The following XKR6 variants were observed in gnomAD, a reference collection of about 807,000 sequenced individuals.
XKR6 encodes XK related 6.
Under a neutral mutation model 56.7 loss-of-function variants are expected in XKR6, and 22 were observed. The ratio of observed to expected loss-of-function variants is 0.39; its 90% confidence interval spans 0.28 to 0.55. The LOEUF (loss-of-function observed/expected upper bound fraction) is 0.55. Among genes scored for constraint, XKR6 ranks in the 20% least tolerant of loss-of-function variants. The probability of loss-of-function intolerance (pLI) is 0.66; values close to 1 mark genes in which losing one functional copy is unlikely to be tolerated. For missense variants in XKR6, 852 were observed against 889.0 expected (o/e 0.96, Z 0.53); for synonymous variants, 524 against 387.8 (o/e 1.35, Z -4.13).
chr8:11,009,330 G>C (rs1361315720), intron 1 of XKR6, among the ~76,000 whole-genome samples: 1 of 152,166 alleles, frequency 6.6e-6, no homozygotes, highest in African/African-American at 2.4e-5. Context: ...GGGTAACATG[G>C]AGAGACCCTG....
chr8:10,932,697 T>C (rs1801094717), intron 1 of XKR6, among the ~76,000 whole-genome samples: 1 of 130,478 alleles, frequency 7.7e-6, no homozygotes, highest in Non-Finnish European at 1.7e-5. Context: ...GTTCTGGCGA[T>C]AGTTTACTGA....
intron 1 of XKR6, among the ~76,000 whole-genome samples, chr8:10,955,814 G>A (rs1801869797): frequency 6.6e-6 from 1 of 152,212 alleles, no homozygotes; most frequent in Admixed American, 6.5e-5. Context: ...GGTAGGATGA[G>A]ATCCAGGCCC....
chr8:11,161,310 C>T (rs1480139087), intron 1 of XKR6, among the ~76,000 whole-genome samples: 1 of 152,186 alleles, frequency 6.6e-6, no homozygotes, highest in African/African-American at 2.4e-5. Context: ...TCTTCTACTC[C>T]TTCAAGTGCC....
intron 1 of XKR6, among the ~76,000 whole-genome samples, chr8:11,115,195 A>G (rs1464549308): frequency 6.6e-6 from 1 of 152,138 alleles, no homozygotes; most frequent in East Asian, 1.9e-4. Context: ...AATGACCTCA[A>G]CTCATCATGT....
At chr8:11,154,183 A>T (rs1203061803) in intron 1 of XKR6, among the ~76,000 whole-genome samples, 5 of 152,208 alleles carry the variant, frequency 3.3e-5, no homozygotes, top group Non-Finnish European at 7.3e-5. Context: ...GAGAAGGACC[A>T]ATCATGTGAT....
intron 1 of XKR6, among the ~76,000 whole-genome samples, chr8:11,049,145 G>A (rs1040642116): frequency 3.3e-5 from 5 of 152,236 alleles, no homozygotes; most frequent in Non-Finnish European, 7.3e-5. Context: ...GGAGCCCATT[G>A]GAATGGATGC....
rs1038461191 is a variant in XKR6, at chr8:11,198,433, T to C, written c.764+2143A>G. Among the ~76,000 whole-genome samples the C allele has an allele frequency of 6.6e-5, 10 of 151,600 alleles. 1 individual carries two copies. The highest frequency in any genetic ancestry group is 1.5e-4 in the Non-Finnish European group (10 of 67,946). On this transcript the variant is annotated intron_variant, in intron 1 of 2. Coordinates refer to ENST00000416569, the MANE Select transcript of XKR6 (RefSeq NM_173683.4). ...TTAGGAAATATTTAGAGATATATTC[T>C]AATCTTGAAAAAAGATGTAAAAAAA...
At chr8:11,054,451 G>A (rs28636902) in intron 1 of XKR6, among the ~76,000 whole-genome samples, 11,332 of 152,248 alleles carry the variant, frequency 0.074, 1,297 homozygotes, top group African/African-American at 0.25. Flanking sequence ...AATGTCCTGG[G>A]GAGGGGTGCC....
intron 1 of XKR6, among the ~76,000 whole-genome samples, chr8:10,961,828 G>C (rs939683480): frequency 3.3e-5 from 5 of 152,182 alleles, no homozygotes; most frequent in Admixed American, 3.3e-4. Flanking sequence ...CCTTCCGAGG[G>C]GAACGTTGCC....
intron 1 of XKR6, among the ~76,000 whole-genome samples, chr8:11,083,466 G>A (rs2129170503): frequency 6.6e-6 from 1 of 152,318 alleles, no homozygotes; most frequent in Non-Finnish European, 1.5e-5. Context: ...ACAGGTGGCT[G>A]CATCCTCATG....
intron 2 of XKR6, among the ~76,000 whole-genome samples, chr8:10,903,951 T>G (rs1800114427): frequency 6.6e-6 from 1 of 152,310 alleles, no homozygotes; most frequent in South Asian, 2.1e-4. Flanking sequence ...AATTTCCGTC[T>G]TGTCTGAAGT....
At chr8:11,161,427 C>T (rs1257486017) in intron 1 of XKR6, among the ~76,000 whole-genome samples, 1 of 152,220 alleles carries the variant, frequency 6.6e-6, no homozygotes, top group Non-Finnish European at 1.5e-5. Flanking sequence ...CATGATGTCC[C>T]TAAAAACCTA....
At chr8:11,151,294 C>A (rs1171831527) in intron 1 of XKR6, among the ~76,000 whole-genome samples, 1 of 152,042 alleles carries the variant, frequency 6.6e-6, no homozygotes, top group Non-Finnish European at 1.5e-5. Flanking sequence ...GAACTTTAAC[C>A]CAAGTTCATG....
chr8:11,023,141 G>A (rs79319048), intron 1 of XKR6, among the ~76,000 whole-genome samples: 3,074 of 152,342 alleles, frequency 0.02, 106 homozygotes, highest in African/African-American at 0.07. Flanking sequence ...TCAGCTGGCG[G>A]TGAGAAAATG....
intron 1 of XKR6, among the ~76,000 whole-genome samples, chr8:11,121,632 C>T (rs2129183753): frequency 6.6e-6 from 1 of 152,320 alleles, no homozygotes; most frequent in African/African-American, 2.4e-5. Flanking sequence ...TGTGGCGATT[C>T]CTCAGGGATC....
At chr8:11,193,874 A>C (rs1585041907) in intron 1 of XKR6, among the ~76,000 whole-genome samples, 1 of 152,248 alleles carries the variant, frequency 6.6e-6, no homozygotes, top group East Asian at 1.9e-4. Flanking sequence ...TTACAAAAAA[A>C]AGACTACTGA....
At chr8:11,135,106 C>T (rs1049787467) in intron 1 of XKR6, among the ~76,000 whole-genome samples, 1 of 150,996 alleles carries the variant, frequency 6.6e-6, no homozygotes, top group African/African-American at 2.5e-5. Flanking sequence ...GATCTTGGCT[C>T]ACTGCAAGCT....
At chr8:10,989,437 T>G (rs184184543) in intron 1 of XKR6, among the ~76,000 whole-genome samples, 1 of 152,330 alleles carries the variant, frequency 6.6e-6, no homozygotes, top group Admixed American at 6.5e-5. Flanking sequence ...CCGAGATGAT[T>G]GATATCTACG....
intron 1 of XKR6, among the ~76,000 whole-genome samples, chr8:10,957,867 A>G (rs10095261): frequency 0.18 from 27,799 of 152,150 alleles, 3,379 homozygotes; most frequent in African/African-American, 0.35. Flanking sequence ...ATCCAACAAC[A>G]ATATCGAATC....
Sources: allele counts gnomAD v4.1 joint callset (sites outside exome capture counted in the v4.1 genomes callset), GRCh38; gene constraint gnomAD v4.1.1; transcripts MANE v1.5; gene names NCBI Gene and HGNC (gene_info 2026-07-23, HGNC 2026-07-21).